TSBP1: variants seen among roughly 807,000 people sequenced by gnomAD.
TSBP1 encodes the protein testis expressed basic protein 1.
A neutral mutation model predicts 68.8 loss-of-function variants in TSBP1; 56 were observed. The ratio of observed to expected loss-of-function variants is 0.81; its 90% CI spans 0.66 to 1.02. The LOEUF is 1.02. TSBP1 is among the 50% of genes least tolerant of loss of function. TSBP1 has a pLI of 0.00. For synonymous variants in TSBP1, 171 were observed against 208.7 expected, an observed-to-expected ratio of 0.82 and a Z score of 1.56; for missense variants, 502 against 641.2, an observed-to-expected ratio of 0.78 and a Z score of 2.34.
At chr6:32,324,336 C>G in intron 16 of TSBP1, 1 of 452,326 alleles carries the variant, frequency 2.2e-6, no homozygotes. Context: ...CCTTTCTCTC[C>G]TACCATTTTT....
At chr6:32,362,362 C>G (rs576147720) in intron 6 of TSBP1, among the ~76,000 whole-genome samples, 1 of 152,110 alleles carries the variant, frequency 6.6e-6, no homozygotes, top group East Asian at 1.9e-4. Flanking sequence ...ATGCCCTGTA[C>G]CACTTCAGGA....
chr6:32,301,992 A>AATAAT (rs1304006579), intron 20 of TSBP1, among the ~76,000 whole-genome samples: 2 of 149,618 alleles, frequency 1.3e-5, no homozygotes, highest in Non-Finnish European at 3.0e-5. Context: ...TAATAATAAT[A>AATAAT]ATATTTTGTG....
intron 16 of TSBP1, chr6:32,324,356 A>T: frequency 3.9e-6 from 2 of 507,824 alleles, no homozygotes; most frequent in African/African-American, 1.9e-5. Context: ...TTCCCTTTTT[A>T]AGGTAGTCTC....
At chr6:32,322,872 C>G (rs1407307113) in intron 18 of TSBP1, among the ~76,000 whole-genome samples, 1 of 151,634 alleles carries the variant, frequency 6.6e-6, no homozygotes, top group Non-Finnish European at 1.5e-5. Context: ...TGGATTTCAT[C>G]TCTCTCTCTC....
intron 16 of TSBP1, chr6:32,324,612 G>T (rs200907745): frequency 6.4e-6 from 7 of 1,090,376 alleles, no homozygotes; most frequent in South Asian, 1.6e-5. Context: ...CTCCACTAGA[G>T]ACCGAGTCCT....
At position 32,310,265 on chromosome 6, in the gene TSBP1, T is replaced by C. The variant is rs201489636; in HGVS notation, c.580+5507A>G. 7.1e-3 allele frequency among the ~76,000 whole-genome samples: 1,082 copies of C among 152,226 alleles called. 8 individuals carry two copies. The highest frequency in any genetic ancestry group is 0.065 in the Middle Eastern group (19 of 294). On this transcript the variant is annotated intron_variant, in intron 19 of 22. Transcript: ENST00000612031. ...TGGCACATGTAAGTGTGTGTGTGTG[T>C]GTATATATCTGTCTGTGTGTTTTAA...
At chr6:32,364,165 T>C (rs908395042) in intron 6 of TSBP1, among the ~76,000 whole-genome samples, 3 of 152,194 alleles carry the variant, frequency 2.0e-5, no homozygotes, top group African/African-American at 4.8e-5. Flanking sequence ...ACTTTGATTA[T>C]TGACAATTTG....
Position 32,337,384 on chromosome 6 carries a change from A to G in TSBP1, c.410-749T>C, listed in dbSNP as rs993927567. Among the ~76,000 whole-genome samples, 1 of 152,146 alleles carries G rather than the reference A, an allele frequency of 6.6e-6. No individual in the cohort carries two copies. The highest frequency in any genetic ancestry group is 6.5e-5 in the Admixed American group (1 of 15,278). Reference sequence around the variant, plus strand: ...CTTTCCCCACGGGTGTCCTGCTTGTATCTCAGGAGATTACACAGGCCATTG... The same window carrying G: ...CTTTCCCCACGGGTGTCCTGCTTGTGTCTCAGGAGATTACACAGGCCATTG... On this transcript the variant is annotated intron_variant, in intron 11 of 22. Coordinates refer to ENST00000612031, the Ensembl canonical transcript of TSBP1. The surrounding 1 kb of genome is among the most constrained non-coding windows in gnomAD (Gnocchi z 5.5).
chr6:32,323,873 A>G (rs1767920235), intron 16 of TSBP1: 2 of 508,304 alleles, frequency 3.9e-6, no homozygotes, highest in East Asian at 6.5e-5. Context: ...TACCAGGGAA[A>G]GGAGAGATTC....
chr6:32,366,762 C>CAAA (rs9257084), intron 4 of TSBP1, among the ~76,000 whole-genome samples: 1,710 of 77,406 alleles, frequency 0.022, 141 homozygotes, highest in South Asian at 0.05. Context: ...GACTCCGTCT[C>CAAA]AAAAAAAAAA....
Position 32,366,207 on chromosome 6 carries a change from T to G in TSBP1, c.197-20A>C, listed in dbSNP as rs779078206. 1.3e-6 allele frequency: 2 copies of G among 1,593,586 alleles called. No homozygotes were observed. The highest frequency in any genetic ancestry group is 4.5e-5 in the East Asian group (2 of 44,688). On this transcript the variant is annotated intron_variant, in intron 5 of 22. Transcript: ENST00000612031. ...AAGTGTCTAGAGAATTGAAGAAAAA[T>G]TATAAGATTCTTAATTTCTCATAAA...
chr6:32,298,298 G>A (rs527256613), intron 22 of TSBP1, among the ~76,000 whole-genome samples: 17 of 152,222 alleles, frequency 1.1e-4, no homozygotes, highest in South Asian at 2.1e-4. Flanking sequence ...TAATTTCCCC[G>A]GCTGGGTGCA....
chr6:32,317,858 C>A (rs1262527314), intron 18 of TSBP1, among the ~76,000 whole-genome samples: 2 of 152,088 alleles, frequency 1.3e-5, no homozygotes. Context: ...TTGTTGGTGG[C>A]AACGTAAATT....
chr6:32,292,722 A>G lies in TSBP1; in HGVS notation c.*259T>C. 2.2e-6 allele frequency: 1 copy of G among 446,642 alleles called. No individual in the cohort carries two copies. Among genetic ancestry groups the G allele is most frequent in the Non-Finnish European group, 3.9e-6 (1 of 256,964 alleles). The allele number at this position is 446,642 out of a possible 1,614,324, so 27.7% of individuals were successfully genotyped here. On this transcript the variant is annotated 3_prime_UTR_variant, in exon 23 of 23. Transcript: ENST00000612031. The surrounding 1 kb of genome is among the most constrained non-coding windows in gnomAD (Gnocchi z 4.1). ...ATTACTATATATTTCTTTAATTAAA[A>G]TGTTTTACTTCAGAAAGTATCCAGT...
At chr6:32,355,919 A>C (rs150511014) in intron 6 of TSBP1, among the ~76,000 whole-genome samples, 1 of 152,362 alleles carries the variant, frequency 6.6e-6, no homozygotes, top group Non-Finnish European at 1.5e-5. Flanking sequence ...AAACAGAAGA[A>C]TGTATAGTTA....
At chr6:32,358,522 G>A (rs1195100632) in intron 6 of TSBP1, among the ~76,000 whole-genome samples, 3 of 151,712 alleles carry the variant, frequency 2.0e-5, no homozygotes, top group Admixed American at 6.6e-5. Flanking sequence ...CCATTAACTC[G>A]TCATTTACAT....
intron 19 of TSBP1, among the ~76,000 whole-genome samples, chr6:32,307,377 TGTTA>T (rs1343559289): frequency 6.6e-6 from 1 of 152,200 alleles, no homozygotes; most frequent in Non-Finnish European, 1.5e-5. Flanking sequence ...TAATATTTTT[TGTTA>T]TTTATTTCTG....
intron 19 of TSBP1, among the ~76,000 whole-genome samples, chr6:32,309,248 C>A (rs9268191): frequency 0.2 from 30,940 of 151,906 alleles, 3,309 homozygotes; most frequent in Non-Finnish European, 0.22. Context: ...CTGTGCTCAG[C>A]CTCTTTCTGC....
intron 6 of TSBP1, among the ~76,000 whole-genome samples, chr6:32,356,486 G>C (rs960712768): frequency 6.6e-6 from 1 of 152,112 alleles, no homozygotes; most frequent in East Asian, 1.9e-4. Context: ...TTGGGAGGCC[G>C]AAGTGGGTGT....
Sources: gnomAD v4.1 joint callset for allele counts (sites outside exome capture counted in the v4.1 genomes callset) on GRCh38, gnomAD v4.1.1 for gene constraint, Gnocchi (gnomAD v3.1) non-coding constraint, MANE v1.5 for transcripts, NCBI Gene and HGNC (gene_info 2026-07-23, HGNC 2026-07-21) for gene names.